The following PPFIA1 variants were observed in gnomAD, a reference collection of about 807,000 sequenced individuals.
The protein encoded by PPFIA1 is liprin-alpha-1.
In PPFIA1, 25 loss-of-function variants were observed where a neutral mutation model predicts 149.9. The observed-to-expected ratio is 0.17, with a 90% CI of 0.12 to 0.23. The LOEUF is 0.23. Ranked by LOEUF, PPFIA1 falls within the 10% of genes least tolerant of loss-of-function variation. PPFIA1 has a pLI of 1.00. For synonymous variants in PPFIA1, 549 were observed against 552.8 expected, an observed-to-expected ratio of 0.99 and a Z score of 0.10; for missense variants, 1,362 against 1,506.5, an observed-to-expected ratio of 0.90 and a Z score of 1.59.
At chr11:70,335,470 ACACATGGGGCT>A in intron 10 of PPFIA1, 82 bp from the exon 11 acceptor site, 1 of 1,457,040 alleles carries the variant, frequency 6.9e-7, no homozygotes, top group Non-Finnish European at 9.3e-7. Context: ...AGGGGAGGGC[ACACATGGGGCT>A]CACCCTGTTG....
At chr11:70,370,377 A>C (rs184559506) in intron 21 of PPFIA1, among the ~76,000 whole-genome samples, 2 of 150,822 alleles carry the variant, frequency 1.3e-5, no homozygotes, top group Admixed American at 1.3e-4. Flanking sequence ...TCGTTCTTCT[A>C]GTTTAAGTTT....
chr11:70,324,820 A>G, intron 3 of PPFIA1, 27 bp from the exon 4 acceptor site: 1 of 1,511,998 alleles, frequency 6.6e-7, no homozygotes. Flanking sequence ...CTGTTTAACA[A>G]GTCTTTATTT....
chr11:70,357,465 G>A (rs190462581), intron 19 of PPFIA1, among the ~76,000 whole-genome samples: 1 of 152,200 alleles, frequency 6.6e-6, no homozygotes, highest in Admixed American at 6.5e-5. Flanking sequence ...TAGGTAAAAT[G>A]CTTTTATGTT....
intron 2 of PPFIA1, among the ~76,000 whole-genome samples, chr11:70,307,102 C>A (rs2052904375): frequency 6.6e-6 from 1 of 152,160 alleles, no homozygotes; most frequent in African/African-American, 2.4e-5. Flanking sequence ...TAATAACACA[C>A]CAGGGTGGTA....
chr11:70,324,287 C>T (rs762758050), intron 2 of PPFIA1, 115 bp from the exon 3 acceptor site: 2 of 661,540 alleles, frequency 3.0e-6, no homozygotes, highest in Non-Finnish European at 5.2e-6. Context: ...CACTGAGATC[C>T]CTTCCCCATA....
At chr11:70,348,474 T>C in intron 16 of PPFIA1, 54 bp downstream of exon 16, 4 of 1,381,302 alleles carry the variant, frequency 2.9e-6, no homozygotes, top group Non-Finnish European at 3.1e-6. Context: ...CTGTATGAAA[T>C]CTTGGACACT....
At chr11:70,277,708 C>G (rs2050496816) in intron 2 of PPFIA1, among the ~76,000 whole-genome samples, 1 of 152,206 alleles carries the variant, frequency 6.6e-6, no homozygotes, top group East Asian at 1.9e-4. Context: ...CCAGGCTGGT[C>G]TCAAGCTCCT....
intron 15 of PPFIA1, among the ~76,000 whole-genome samples, chr11:70,347,494 G>A (rs1016036540): frequency 6.6e-6 from 1 of 152,132 alleles, no homozygotes; most frequent in Non-Finnish European, 1.5e-5. Flanking sequence ...TTGAAGTCAG[G>A]AGTTTGAGAC....
intron 15 of PPFIA1, among the ~76,000 whole-genome samples, chr11:70,346,625 C>G (rs118078150): frequency 4.6e-5 from 7 of 152,174 alleles, no homozygotes; most frequent in African/African-American, 1.7e-4. Context: ...TGTGATGAAG[C>G]GTTCAGAAAG....
At chr11:70,376,417 A>G (rs1479924655) in intron 24 of PPFIA1, 115 bp from the exon 25 acceptor site, 2 of 1,034,204 alleles carry the variant, frequency 1.9e-6, no homozygotes, top group Admixed American at 3.8e-5. Context: ...GTGAGCCACC[A>G]GACCCAGCCA....
chr11:70,273,533 C>G (rs888631983), intron 2 of PPFIA1, among the ~76,000 whole-genome samples: 3 of 152,144 alleles, frequency 2.0e-5, no homozygotes, highest in Admixed American at 2.0e-4. Flanking sequence ...CCCGCATAAG[C>G]ACACATTTAT....
chr11:70,315,275 A>T (rs926885630), intron 2 of PPFIA1, among the ~76,000 whole-genome samples: 1 of 152,198 alleles, frequency 6.6e-6, no homozygotes, highest in Non-Finnish European at 1.5e-5. Flanking sequence ...ATTCAGTGAG[A>T]TGATGAGACC....
intron 9 of PPFIA1, among the ~76,000 whole-genome samples, chr11:70,332,783 G>A (rs182931531): frequency 7.6e-4 from 116 of 152,328 alleles, no homozygotes; most frequent in African/African-American, 2.7e-3. Flanking sequence ...AGGCAGGCGA[G>A]CAGCAGGAGC....
intron 21 of PPFIA1, among the ~76,000 whole-genome samples, chr11:70,367,289 T>TA (rs1169212943): frequency 2.6e-5 from 4 of 152,216 alleles, no homozygotes; most frequent in African/African-American, 9.7e-5. Context: ...CCAAGGGCAG[T>TA]ACACAGTGGC....
intron 9 of PPFIA1, among the ~76,000 whole-genome samples, 195 bp from the exon 10 acceptor site, chr11:70,333,275 C>T (rs1421250509): frequency 6.6e-6 from 1 of 152,204 alleles, no homozygotes; most frequent in Non-Finnish European, 1.5e-5. Context: ...ATCACCAACA[C>T]AAGAGGGCTA....
At chr11:70,324,380 A>C (rs748442547) in intron 2 of PPFIA1, 22 bp from the exon 3 acceptor site, 1 of 1,555,170 alleles carries the variant, frequency 6.4e-7, no homozygotes, top group South Asian at 1.1e-5. Flanking sequence ...TATTTATTTA[A>C]TTTTGTTTTG....
At chr11:70,287,382 A>G (rs1003800983) in intron 2 of PPFIA1, among the ~76,000 whole-genome samples, 1 of 152,032 alleles carries the variant, frequency 6.6e-6, no homozygotes, top group Non-Finnish European at 1.5e-5. Flanking sequence ...TGCCAACTTC[A>G]TTCTAGCTAC....
chr11:70,285,841 CTG>C (rs1211074612), intron 2 of PPFIA1, among the ~76,000 whole-genome samples: 2 of 152,032 alleles, frequency 1.3e-5, no homozygotes, highest in African/African-American at 4.8e-5. Flanking sequence ...TTTTGAGTGT[CTG>C]TATGTGGCAT....
At chr11:70,332,915 T>C (rs1373996832) in intron 9 of PPFIA1, 4 of 410,506 alleles carry the variant, frequency 9.7e-6, no homozygotes, top group Non-Finnish European at 2.0e-5. Flanking sequence ...CTAGCAAGTT[T>C]GTTGCTAACA....
Sources: allele counts gnomAD v4.1 joint callset (sites outside exome capture counted in the v4.1 genomes callset), GRCh38; gene constraint gnomAD v4.1.1; transcripts MANE v1.5; gene names NCBI Gene and HGNC (gene_info 2026-07-23, HGNC 2026-07-21).